Variants in PTPRN2 observed in about 807,000 individuals in gnomAD.
PTPRN2 encodes protein tyrosine phosphatase receptor type N2.
PTPRN2 carries 74 observed loss-of-function variants against 118.8 expected under a neutral mutation model. The observed-to-expected ratio is 0.62, with a 90% CI of 0.52 to 0.76. PTPRN2 has a LOEUF of 0.76. Among genes scored for constraint, PTPRN2 ranks in the 30% least tolerant of loss-of-function variants. The probability of loss-of-function intolerance (pLI) is 0.00; values close to 1 mark genes in which losing one functional copy is unlikely to be tolerated. For missense variants in PTPRN2, 1,481 were observed against 1,394.4 expected, an observed-to-expected ratio of 1.06 and a Z score of -0.99; for synonymous variants, 641 against 608.0, an observed-to-expected ratio of 1.05 and a Z score of -0.80.
intron 21 of PTPRN2, among the ~76,000 whole-genome samples, chr7:157,553,777 G>C (rs1244510999): frequency 2.0e-5 from 3 of 152,230 alleles, no homozygotes. Flanking sequence ...TCAACTGTCT[G>C]CTGTGGACGG....
chr7:158,233,628 T>A (rs1472738170), intron 3 of PTPRN2, among the ~76,000 whole-genome samples: 4 of 152,068 alleles, frequency 2.6e-5, no homozygotes, highest in Non-Finnish European at 5.9e-5. Context: ...ATCTCTAAAA[T>A]TTACATAAGC....
At chr7:157,961,573 C>T (rs568420626) in intron 11 of PTPRN2, among the ~76,000 whole-genome samples, 17 of 151,912 alleles carry the variant, frequency 1.1e-4, no homozygotes, top group African/African-American at 4.1e-4. Context: ...AAAACAACAA[C>T]AATTTTAAAA....
intron 3 of PTPRN2, among the ~76,000 whole-genome samples, chr7:158,264,969 T>G (rs1038249055): frequency 2.0e-5 from 3 of 152,038 alleles, no homozygotes; most frequent in Admixed American, 6.5e-5. Context: ...GCTAGAGCAG[T>G]CGAGGTCCGC....
intron 12 of PTPRN2, among the ~76,000 whole-genome samples, chr7:157,765,206 A>G (rs1450454807): frequency 6.8e-6 from 1 of 146,292 alleles, no homozygotes; most frequent in Non-Finnish European, 1.5e-5. Context: ...CCATGCATCC[A>G]TCCTTCACCC....
chr7:157,696,657 A>G (rs140348757), intron 12 of PTPRN2, among the ~76,000 whole-genome samples: 4,162 of 141,866 alleles, frequency 0.029, 230 homozygotes, highest in African/African-American at 0.1. Context: ...AGCCCTCACC[A>G]TCTACCTATG....
intron 3 of PTPRN2, among the ~76,000 whole-genome samples, chr7:158,305,014 T>C (rs183543378): frequency 1.7e-4 from 26 of 152,346 alleles, no homozygotes; most frequent in African/African-American, 5.5e-4. Context: ...CAATCTGCCA[T>C]GTTGGTACCT....
chr7:158,527,511 C>A (rs1437259445), intron 1 of PTPRN2, among the ~76,000 whole-genome samples: 1 of 152,216 alleles, frequency 6.6e-6, no homozygotes, highest in Admixed American at 6.5e-5. Context: ...GGGCTGGCCT[C>A]TCCATTTCCT....
chr7:157,929,941 T>G lies in PTPRN2; in HGVS notation c.1724-31204A>C, dbSNP rs972292198. Reference sequence around the variant, plus strand: ...AGGCATGAAGCGAATTCAGTCCACATCAGCGGGTCCAAGCCTGGACCTAGA... The same window carrying G: ...AGGCATGAAGCGAATTCAGTCCACAGCAGCGGGTCCAAGCCTGGACCTAGA... On this transcript the variant is annotated intron_variant, in intron 11 of 22. Coordinates refer to ENST00000389418, the MANE Select transcript of PTPRN2 (RefSeq NM_002847.5). The surrounding 1 kb of genome is among the most constrained non-coding windows in gnomAD (Gnocchi z 4.4). 3.9e-5 allele frequency among the ~76,000 whole-genome samples: 6 copies of G among 152,124 alleles called. No homozygotes were observed. The highest frequency in any genetic ancestry group is 8.8e-5 in the Non-Finnish European group (6 of 68,022).
intron 11 of PTPRN2, among the ~76,000 whole-genome samples, chr7:157,978,438 T>A (rs1282434770): frequency 2.0e-5 from 3 of 152,046 alleles, no homozygotes; most frequent in African/African-American, 4.8e-5. Context: ...TTCGGGAAAT[T>A]GTTTAGCAAT....
rs982196058 is a variant in PTPRN2, at chr7:158,529,998, A to G, written c.113-40213T>C. On this transcript the variant is annotated intron_variant, in intron 1 of 22. Coordinates refer to ENST00000389418, the MANE Select transcript of PTPRN2 (RefSeq NM_002847.5). The surrounding 1 kb of genome is among the most constrained non-coding windows in gnomAD (Gnocchi z 4.7). ...CACACATGCCATACACACCACACGC[A>G]TGCCACATGCACACCCCTAACTTAA... Among the ~76,000 whole-genome samples the G allele has an allele frequency of 6.6e-6, 1 of 152,168 alleles. No homozygotes were observed. The highest frequency in any genetic ancestry group is 1.5e-5 in the Non-Finnish European group (1 of 68,028).
rs772915024 is a variant in PTPRN2 at position 158,110,925 on chromosome 7, A to G, written c.1557-10T>C. On this transcript the variant is annotated splice_polypyrimidine_tract_variant and intron_variant, in intron 9 of 22. Transcript: ENST00000389418. ...CTCGGGGCGCAGGGGGCTGCGGATG[A>G]CAGCAGGGATGGGGAGCAGTCACCA... 2.6e-6 allele frequency: 4 copies of G among 1,551,798 alleles called. No individual in the cohort carries two copies. In the Admixed American group the frequency reaches 7.6e-5, roughly 30 times the overall value.
intron 11 of PTPRN2, among the ~76,000 whole-genome samples, chr7:157,945,653 G>A (rs942780316): frequency 1.3e-5 from 2 of 150,060 alleles, no homozygotes; most frequent in Non-Finnish European, 3.0e-5. Context: ...CAAGTCAGAC[G>A]ATGCCGCCTC....
intron 21 of PTPRN2, 48 bp downstream of exon 21, chr7:157,568,854 G>A (rs780384663): frequency 2.6e-6 from 4 of 1,516,034 alleles, no homozygotes; most frequent in South Asian, 1.1e-5. Context: ...CCATAGCGAC[G>A]CCATCCCAGC....
chr7:158,566,435 C>G (rs115308905), intron 1 of PTPRN2, among the ~76,000 whole-genome samples: 1 of 152,280 alleles, frequency 6.6e-6, no homozygotes, highest in Non-Finnish European at 1.5e-5. Flanking sequence ...TGTAGCCTCC[C>G]GAGGACAAGC....
chr7:157,996,098 C>T (rs920448377), intron 11 of PTPRN2, among the ~76,000 whole-genome samples: 4 of 152,068 alleles, frequency 2.6e-5, no homozygotes, highest in African/African-American at 9.7e-5. Context: ...TACTATTCAG[C>T]CATAAAAAAG....
chr7:158,124,491 A>C (rs2150402162), intron 9 of PTPRN2, among the ~76,000 whole-genome samples: 1 of 152,392 alleles, frequency 6.6e-6, no homozygotes, highest in African/African-American at 2.4e-5. Context: ...TTGCTTGGAA[A>C]GAGAAATAGC....
rs1801506804 is a variant in PTPRN2 at position 157,598,955 on chromosome 7, C to T, written c.2419-3640G>A. On this transcript the variant is annotated intron_variant, in intron 16 of 22. Transcript: ENST00000389418. The surrounding 1 kb of genome is among the most constrained non-coding windows in gnomAD (Gnocchi z 5.2). Reference sequence around the variant, plus strand: ...ATCCAGTGTGACTCACTCCAAGTGACTTCATGAAAATCAACAGCCAGAAGG... The same window carrying T: ...ATCCAGTGTGACTCACTCCAAGTGATTTCATGAAAATCAACAGCCAGAAGG... 1.3e-5 allele frequency among the ~76,000 whole-genome samples: 2 copies of T among 152,108 alleles called. No homozygotes were observed. Among genetic ancestry groups the T allele is most frequent in the South Asian group, 4.1e-4 (2 of 4,822 alleles).
At chr7:158,219,880 A>G (rs747700162) in intron 3 of PTPRN2, among the ~76,000 whole-genome samples, 15 of 147,126 alleles carry the variant, frequency 1.0e-4, no homozygotes, top group Non-Finnish European at 2.2e-4. Flanking sequence ...AATTGCTAAT[A>G]AAAAAAAAAC....
chr7:157,558,067 C>G (rs1233518022), intron 21 of PTPRN2, among the ~76,000 whole-genome samples: 1 of 63,986 alleles, frequency 1.6e-5, no homozygotes, highest in African/African-American at 6.3e-5. Context: ...CCTGTGCAGG[C>G]GAGCACAGCT....
Sources: gnomAD v4.1 joint callset for allele counts (sites outside exome capture counted in the v4.1 genomes callset) on GRCh38, gnomAD v4.1.1 for gene constraint, Gnocchi (gnomAD v3.1) non-coding constraint, MANE v1.5 for transcripts, NCBI Gene and HGNC (gene_info 2026-07-23, HGNC 2026-07-21) for gene names.